Variants in PRKAR1B observed in about 807,000 individuals in gnomAD.
The protein encoded by PRKAR1B is protein kinase cAMP-dependent type I regulatory subunit beta, also known as cAMP-dependent protein kinase type I-beta regulatory subunit.
PRKAR1B carries 22 observed loss-of-function variants against 46.5 expected under a neutral mutation model. The observed-to-expected ratio is 0.47, with a 90% CI of 0.34 to 0.68. The LOEUF is 0.68. Ranked by LOEUF, PRKAR1B falls within the 30% of genes least tolerant of loss-of-function variation. The pLI is 0.01. For synonymous variants in PRKAR1B, 259 were observed against 217.7 expected, an observed-to-expected ratio of 1.19 and a Z score of -1.67; for missense variants, 445 against 535.6, an observed-to-expected ratio of 0.83 and a Z score of 1.67.
At chr7:647,842 T>C (rs1049491816) in intron 4 of PRKAR1B, among the ~76,000 whole-genome samples, 8 of 140,836 alleles carry the variant, frequency 5.7e-5, no homozygotes, top group Non-Finnish European at 1.5e-5. Flanking sequence ...CCTCCTCGCA[T>C]GTTGTTTTTC....
At chr7:662,807 A>G (rs938601827) in intron 4 of PRKAR1B, among the ~76,000 whole-genome samples, 3 of 152,134 alleles carry the variant, frequency 2.0e-5, no homozygotes, top group Non-Finnish European at 2.9e-5. Context: ...ACACCCTCCA[A>G]GCAATGCTGA....
intron 2 of PRKAR1B, among the ~76,000 whole-genome samples, chr7:710,183 T>C (rs181591066): frequency 6.6e-6 from 1 of 152,328 alleles, no homozygotes; most frequent in African/African-American, 2.4e-5. Flanking sequence ...GATGGGGACC[T>C]GGTGGCTCAC....
intron 2 of PRKAR1B, among the ~76,000 whole-genome samples, chr7:705,207 G>A (rs868417714): frequency 1.3e-5 from 2 of 151,010 alleles, no homozygotes; most frequent in African/African-American, 2.4e-5. Context: ...CAGGAAAATC[G>A]CTTGAAAATC....
At chr7:608,522 T>C (rs1782246122) in intron 4 of PRKAR1B, 1 of 152,412 alleles carries the variant, frequency 6.6e-6, no homozygotes, top group Non-Finnish European at 1.5e-5. Context: ...TGCTTCTTTT[T>C]TGAGTCCTTG....
At chr7:685,894 T>C (rs956352299) in intron 2 of PRKAR1B, among the ~76,000 whole-genome samples, 4 of 152,154 alleles carry the variant, frequency 2.6e-5, no homozygotes, top group Non-Finnish European at 2.9e-5. Flanking sequence ...AAAAAATATA[T>C]AAATATTATC....
chr7:680,149 C>T (rs1032153074), intron 3 of PRKAR1B, among the ~76,000 whole-genome samples: 11 of 138,104 alleles, frequency 8.0e-5, no homozygotes, highest in African/African-American at 1.4e-4. Flanking sequence ...CGGAGCAAGA[C>T]TCTGTTTCAA....
At chr7:702,678 C>A (rs1780123854) in intron 2 of PRKAR1B, among the ~76,000 whole-genome samples, 1 of 152,020 alleles carries the variant, frequency 6.6e-6, no homozygotes, top group Non-Finnish European at 1.5e-5. Context: ...AAAAAATTTG[C>A]CGGGTGTGGT....
At chr7:595,327 TC>T (rs372994205) in intron 7 of PRKAR1B, among the ~76,000 whole-genome samples, 51 of 151,788 alleles carry the variant, frequency 3.4e-4, no homozygotes, top group Non-Finnish European at 6.3e-4. Flanking sequence ...GGAACAGCAG[TC>T]CCCCCCGCCC....
At chr7:700,142 C>T (rs892757851) in intron 2 of PRKAR1B, among the ~76,000 whole-genome samples, 4 of 152,136 alleles carry the variant, frequency 2.6e-5, no homozygotes, top group Non-Finnish European at 4.4e-5. Context: ...CCCCAAGTTT[C>T]GTATGCACAG....
chr7:584,306 T>C (rs947987895), intron 8 of PRKAR1B, among the ~76,000 whole-genome samples: 1 of 152,230 alleles, frequency 6.6e-6, no homozygotes, highest in Non-Finnish European at 1.5e-5. Flanking sequence ...GGAGGCAGGC[T>C]CTTGGGGTTT....
chr7:604,330 T>G (rs1379008344), intron 6 of PRKAR1B, among the ~76,000 whole-genome samples: 4 of 152,216 alleles, frequency 2.6e-5, no homozygotes, highest in Non-Finnish European at 5.9e-5. Context: ...GACCCGCCAG[T>G]GCCGCCCTCC....
chr7:704,445 T>C (rs1271041092), intron 2 of PRKAR1B, among the ~76,000 whole-genome samples: 1 of 148,364 alleles, frequency 6.7e-6, no homozygotes, highest in African/African-American at 2.5e-5. Flanking sequence ...TATTGATAAA[T>C]GTAACAACTT....
At chr7:718,340 A>G (rs954550713) in intron 1 of PRKAR1B, among the ~76,000 whole-genome samples, 1 of 149,146 alleles carries the variant, frequency 6.7e-6, no homozygotes, top group Non-Finnish European at 1.5e-5. Context: ...GTATATATAT[A>G]TATATATCTC....
intron 4 of PRKAR1B, among the ~76,000 whole-genome samples, chr7:655,962 GGTT>G (rs1785165409): frequency 6.6e-6 from 1 of 152,192 alleles, no homozygotes; most frequent in South Asian, 2.1e-4. Context: ...CCGCGTAAGT[GGTT>G]GGGTTTCTCA....
chr7:691,450 T>A, intron 2 of PRKAR1B: 1 of 1,260,418 alleles, frequency 7.9e-7, no homozygotes, highest in Non-Finnish European at 1.1e-6. Context: ...AGGGAGTGCC[T>A]CCACTCCCAC....
chr7:695,886 G>C lies in PRKAR1B; in HGVS notation c.178-15160C>G, dbSNP rs146536593. On this transcript the variant is annotated intron_variant, in intron 2 of 10. Coordinates refer to ENST00000537384, the MANE Select transcript of PRKAR1B (RefSeq NM_001164760.2). ...TCAGCGTGTTAGCCATGATGGTCTCGATCTCCTGACCTCGTTATTCACCCC... is the reference window on the plus strand; with the variant it reads ...TCAGCGTGTTAGCCATGATGGTCTCCATCTCCTGACCTCGTTATTCACCCC... Among the ~76,000 whole-genome samples the C allele has an allele frequency of 8.3e-4, 125 of 151,366 alleles. 4 individuals carry two copies. The East Asian group carries it at 0.024, about 29-fold the overall frequency.
chr7:556,147 G>C (rs1339216771), intron 9 of PRKAR1B, among the ~76,000 whole-genome samples: 1 of 152,122 alleles, frequency 6.6e-6, no homozygotes, highest in Non-Finnish European at 1.5e-5. Flanking sequence ...CACCCCTGAA[G>C]CCTTTGTGAG....
intron 4 of PRKAR1B, among the ~76,000 whole-genome samples, chr7:641,996 G>T (rs1035931505): frequency 6.6e-6 from 1 of 151,938 alleles, no homozygotes; most frequent in Non-Finnish European, 1.5e-5. Flanking sequence ...TCAACCTCCC[G>T]GGTTCAAGGG....
intron 9 of PRKAR1B, among the ~76,000 whole-genome samples, chr7:567,595 G>A (rs1583216002): frequency 6.6e-6 from 1 of 152,050 alleles, no homozygotes; most frequent in East Asian, 1.9e-4. Flanking sequence ...ATCACCATCA[G>A]TGGTGGCAGC....
Sources: allele counts gnomAD v4.1 joint callset (sites outside exome capture counted in the v4.1 genomes callset), GRCh38; gene constraint gnomAD v4.1.1; transcripts MANE v1.5; gene names NCBI Gene and HGNC (gene_info 2026-07-23, HGNC 2026-07-21).